MTA3: variants seen among roughly 807,000 people sequenced by gnomAD.
MTA3 encodes metastasis-associated protein MTA3.
Under a neutral mutation model 83.5 loss-of-function variants are expected in MTA3, and 34 were observed. That is an observed-to-expected ratio of 0.41 (90% CI 0.31 to 0.54). MTA3 has a LOEUF of 0.54. Among genes scored for constraint, MTA3 ranks in the 20% least tolerant of loss-of-function variants. The pLI is 0.33. For synonymous variants in MTA3, 303 were observed against 252.7 expected (o/e 1.20, Z -1.89); for missense variants, 761 against 726.4 (o/e 1.05, Z -0.55).
chr2:42,738,754 G>A (rs945581902), intron 16 of MTA3, among the ~76,000 whole-genome samples: 1 of 152,202 alleles, frequency 6.6e-6, no homozygotes, highest in Admixed American at 6.5e-5. Context: ...ACGTCCCTGA[G>A]AAAGAGAATG....
At chr2:42,665,984 A>C (rs1004326840) in intron 8 of MTA3, among the ~76,000 whole-genome samples, 2 of 152,192 alleles carry the variant, frequency 1.3e-5, no homozygotes, top group African/African-American at 4.8e-5. Flanking sequence ...ATCTTTTAAA[A>C]GTGTAACTGT....
intron 3 of MTA3, among the ~76,000 whole-genome samples, chr2:42,585,704 C>A (rs1195983131): frequency 1.3e-5 from 2 of 151,782 alleles, no homozygotes; most frequent in Non-Finnish European, 2.9e-5. Flanking sequence ...GAACTTCCAA[C>A]CTCAAGTGAT....
At chr2:42,500,921 C>T (rs1455918022) in intron 2 of MTA3, among the ~76,000 whole-genome samples, 1 of 151,808 alleles carries the variant, frequency 6.6e-6, no homozygotes, top group African/African-American at 2.4e-5. Context: ...CGCCATTCTC[C>T]TGCCTCAGCC....
intron 4 of MTA3, among the ~76,000 whole-genome samples, chr2:42,635,939 A>G (rs1435509991): frequency 2.6e-5 from 4 of 151,878 alleles, no homozygotes. Context: ...CTAATTTTTT[A>G]TATTTTAGTA....
At chr2:42,731,585 T>A (rs1160672133) in intron 16 of MTA3, among the ~76,000 whole-genome samples, 1 of 152,162 alleles carries the variant, frequency 6.6e-6, no homozygotes, top group Non-Finnish European at 1.5e-5. Flanking sequence ...CCCCCATGAT[T>A]GAATTACTTC....
chr2:42,657,414 G>A (rs1689269580), intron 7 of MTA3, among the ~76,000 whole-genome samples: 1 of 152,180 alleles, frequency 6.6e-6, no homozygotes, highest in Non-Finnish European at 1.5e-5. Flanking sequence ...GGCCAATCTT[G>A]TGGCCCCTTG....
At position 42,754,838 on chromosome 2, in the gene MTA3, G is replaced by C; in HGVS notation, c.*1439G>C. The C allele has an allele frequency of 4.1e-6, 4 of 985,538 alleles. No homozygotes were observed. Among genetic ancestry groups the C allele is most frequent in the Non-Finnish European group, 3.6e-6 (3 of 829,988 alleles). 61.0% of individuals were successfully genotyped at this position (985,538 alleles called of 1,614,324 possible). ...GATGCTGTAGATGTCTGTGTCCTCG[G>C]AGGCTGAGCTCCGCTTGGCAGAGAG... On this transcript the variant is annotated 3_prime_UTR_variant, in exon 17 of 17. Transcript: ENST00000405094.
At chr2:42,718,321 C>T (rs1573744773) in intron 14 of MTA3, among the ~76,000 whole-genome samples, 1 of 151,846 alleles carries the variant, frequency 6.6e-6, no homozygotes, top group African/African-American at 2.4e-5. Context: ...GATCTTGGCT[C>T]ACCGCAATGT....
chr2:42,704,114 A>G, intron 11 of MTA3, 80 bp from the exon 12 acceptor site: 2 of 1,416,376 alleles, frequency 1.4e-6, no homozygotes. Flanking sequence ...TTAAATAGTG[A>G]CGGTAAATCA....
intron 8 of MTA3, among the ~76,000 whole-genome samples, chr2:42,672,793 T>C (rs1690943435): frequency 6.6e-6 from 1 of 151,708 alleles, no homozygotes; most frequent in Admixed American, 6.6e-5. Context: ...GTTATATCTA[T>C]GCATTAAAGC....
intron 11 of MTA3, among the ~76,000 whole-genome samples, chr2:42,698,769 T>C (rs1693604975): frequency 6.6e-6 from 1 of 152,212 alleles, no homozygotes; most frequent in South Asian, 2.1e-4. Flanking sequence ...GACAATGAGT[T>C]CTGATCTTTC....
At chr2:42,498,791 G>T (rs902237065) in intron 2 of MTA3, among the ~76,000 whole-genome samples, 7 of 152,132 alleles carry the variant, frequency 4.6e-5, no homozygotes, top group Non-Finnish European at 7.4e-5. Context: ...GTTGTCATCT[G>T]GGTTGTATAA....
chr2:42,752,052 C>A (rs971550752), intron 16 of MTA3, among the ~76,000 whole-genome samples: 6 of 152,198 alleles, frequency 3.9e-5, no homozygotes, highest in Admixed American at 6.5e-5. Context: ...AGTTCTTAAC[C>A]TTTCTGACAC....
At chr2:42,734,854 T>C (rs1429954913) in intron 16 of MTA3, among the ~76,000 whole-genome samples, 1 of 152,208 alleles carries the variant, frequency 6.6e-6, no homozygotes, top group Non-Finnish European at 1.5e-5. Flanking sequence ...GGAAACTCTC[T>C]ACACTTTAAC....
At chr2:42,600,153 G>GC (rs1682382406) in intron 3 of MTA3, among the ~76,000 whole-genome samples, 1 of 152,068 alleles carries the variant, frequency 6.6e-6, no homozygotes, top group African/African-American at 2.4e-5. Context: ...AGCCAAGGTC[G>GC]CGCCACTGCA....
intron 2 of MTA3, among the ~76,000 whole-genome samples, chr2:42,578,392 A>G (rs1679275714): frequency 6.6e-6 from 1 of 152,186 alleles, no homozygotes; most frequent in African/African-American, 2.4e-5. Flanking sequence ...ACCTAACTGA[A>G]TATTGTTTGC....
In MTA3 at chr2:42,659,791, G is replaced by T; in HGVS notation, c.631G>T (p.Asp211Tyr). 1.2e-6 allele frequency: 2 copies of T among 1,606,350 alleles called. No homozygotes were observed. The highest frequency in any genetic ancestry group is 1.7e-6 in the Non-Finnish European group (2 of 1,176,418). The change falls in exon 8 of 17, where the codon GAT (aspartate) becomes TAT (tyrosine). Residue 211 changes from aspartate (D) to tyrosine (Y), a missense_variant. By Grantham distance (160) the Asp-to-Tyr change is radical. Transcript: ENST00000405094. The part of the protein sequence containing the change: ...RAVGTFARAL[D>Y]CSSSVRQPSL... ...TGTTGGGACATTCGCCAGAGCCCTGGATTGCAGCAGTTCTGTGAGGCAGCC... is the reference window on the plus strand; with the variant it reads ...TGTTGGGACATTCGCCAGAGCCCTGTATTGCAGCAGTTCTGTGAGGCAGCC...
intron 3 of MTA3, among the ~76,000 whole-genome samples, chr2:42,592,496 A>G (rs944419846): frequency 1.3e-5 from 2 of 152,098 alleles, no homozygotes; most frequent in African/African-American, 4.8e-5. Context: ...AGACAGGAGT[A>G]TTGCTTGAGC....
At chr2:42,682,240 A>G (rs946965992) in intron 8 of MTA3, among the ~76,000 whole-genome samples, 161 bp from the exon 9 acceptor site, 2 of 152,230 alleles carry the variant, frequency 1.3e-5, no homozygotes, top group Non-Finnish European at 2.9e-5. Context: ...GCAATAAATG[A>G]TATCTTAAAT....
Sources: allele counts gnomAD v4.1 joint callset (sites outside exome capture counted in the v4.1 genomes callset), GRCh38; gene constraint gnomAD v4.1.1; transcripts MANE v1.5; gene names NCBI Gene and HGNC (gene_info 2026-07-23, HGNC 2026-07-21).